The following AGBL1 variants were observed in gnomAD, a reference collection of about 807,000 sequenced individuals.
AGBL1 encodes the protein cytosolic carboxypeptidase 4.
A neutral mutation model predicts 118.9 loss-of-function variants in AGBL1; 130 were observed. The ratio of observed to expected loss-of-function variants is 1.09; its 90% CI spans 0.95 to 1.26. AGBL1 has a LOEUF of 1.26. AGBL1 is among the 50% of genes most tolerant of loss of function. The probability of loss-of-function intolerance (pLI) is 0.00; values close to 1 mark genes in which losing one functional copy is unlikely to be tolerated. For missense variants in AGBL1, 1,584 were observed against 1,298.1 expected (o/e 1.22, Z -3.38); for synonymous variants, 555 against 478.9 (o/e 1.16, Z -2.08).
intron 6 of AGBL1, among the ~76,000 whole-genome samples, chr15:86,243,837 C>A (rs1178040872): frequency 6.6e-6 from 1 of 151,824 alleles, no homozygotes; most frequent in Admixed American, 6.6e-5. Context: ...GGTGAAACCC[C>A]GTCTCTACTA....
chr15:86,667,832 T>A (rs2085674059), intron 21 of AGBL1, among the ~76,000 whole-genome samples: 1 of 152,204 alleles, frequency 6.6e-6, no homozygotes, highest in Non-Finnish European at 1.5e-5. Flanking sequence ...TTTAATCTAA[T>A]CTGTTGTGTT....
In AGBL1 at chr15:86,417,529, T is replaced by C. The variant is rs538238041; in HGVS notation, c.2555+19983T>C. On this transcript the variant is annotated intron_variant, in intron 18 of 22. Coordinates refer to ENST00000614907, the MANE Select transcript of AGBL1 (RefSeq NM_001386094.1). Reference sequence around the variant, plus strand: ...ATTGAACAGAGCAAGCTGTTTACAGTAGAGAGGTGGAAACAGACAATTCAA... The same window carrying C: ...ATTGAACAGAGCAAGCTGTTTACAGCAGAGAGGTGGAAACAGACAATTCAA... 6.6e-5 allele frequency among the ~76,000 whole-genome samples: 10 copies of C among 152,256 alleles called. No homozygotes were observed. In the South Asian group the frequency reaches 1.0e-3, roughly 16 times the overall value.
Position 86,977,521 on chromosome 15 carries a change from G to T in AGBL1, c.3222-10466G>T, listed in dbSNP as rs557453225. On this transcript the variant is annotated intron_variant, in intron 23 of 24. Coordinates refer to the AGBL1 transcript ENST00000441037. ...CATTATTCAAATCTTTTTATATATT[G>T]AAAAAAAGCTGTTTATTTTCCTTAA... 1.7e-4 allele frequency among the ~76,000 whole-genome samples: 25 copies of T among 150,644 alleles called. No homozygotes were observed. The South Asian group carries it at 2.7e-3, about 16-fold the overall frequency.
intron 17 of AGBL1, among the ~76,000 whole-genome samples, chr15:86,345,180 A>G (rs2080517544): frequency 6.6e-6 from 1 of 152,068 alleles, no homozygotes; most frequent in Non-Finnish European, 1.5e-5. Context: ...CCTGCAGGAA[A>G]CATGCGTTTA....
intron 22 of AGBL1, among the ~76,000 whole-genome samples, chr15:86,674,987 T>C (rs1458484626): frequency 2.0e-5 from 3 of 152,142 alleles, no homozygotes; most frequent in Non-Finnish European, 4.4e-5. Context: ...GTGGAGATTA[T>C]TAATGAGCCA....
intron 9 of AGBL1, among the ~76,000 whole-genome samples, chr15:86,260,302 C>G (rs1234193677): frequency 1.3e-5 from 2 of 152,190 alleles, no homozygotes; most frequent in Admixed American, 6.5e-5. Context: ...ATTTGACAAT[C>G]TTAGGTAATA....
intron 18 of AGBL1, among the ~76,000 whole-genome samples, chr15:86,491,552 T>A (rs2082779132): frequency 6.6e-6 from 1 of 152,052 alleles, no homozygotes; most frequent in Non-Finnish European, 1.5e-5. Context: ...AGTTTTAAAG[T>A]TAAGAGATAA....
At chr15:86,824,528 T>C (rs1295696783) in intron 22 of AGBL1, among the ~76,000 whole-genome samples, 2 of 141,730 alleles carry the variant, frequency 1.4e-5, no homozygotes, top group East Asian at 4.3e-4. Flanking sequence ...ATCTATAGGC[T>C]TAATAAAATT....
chr15:86,786,651 C>G lies in AGBL1; in HGVS notation c.3158+112215C>G, dbSNP rs950821559. 6.6e-5 allele frequency among the ~76,000 whole-genome samples: 10 copies of G among 152,166 alleles called. 1 individual carries two copies. Among genetic ancestry groups the G allele is most frequent in the Non-Finnish European group, 1.3e-4 (9 of 68,030 alleles). On this transcript the variant is annotated intron_variant, in intron 22 of 22. Transcript: ENST00000614907. ...TTTTACCATTTTAAGGACCATCTCT[C>G]TATCATTTGTTGATACATCTCAACT...
intron 17 of AGBL1, among the ~76,000 whole-genome samples, chr15:86,337,074 A>G (rs992394463): frequency 6.6e-6 from 1 of 152,076 alleles, no homozygotes; most frequent in Non-Finnish European, 1.5e-5. Context: ...GAAGCATTAG[A>G]TGGACACACA....
intron 17 of AGBL1, among the ~76,000 whole-genome samples, chr15:86,380,281 TTTTTTTTTTC>T (rs2081095420): frequency 6.7e-6 from 1 of 148,926 alleles, no homozygotes; most frequent in Non-Finnish European, 1.5e-5. Context: ...TCCTTCCTTT[TTTTTTTTTTC>T]TTTTTCTTTT....
At chr15:86,572,612 G>C (rs2084026424) in intron 21 of AGBL1, among the ~76,000 whole-genome samples, 1 of 152,318 alleles carries the variant, frequency 6.6e-6, no homozygotes, top group South Asian at 2.1e-4. Context: ...GAGCTGCGGA[G>C]GCTCTGGGCC....
At chr15:86,994,527 G>A (rs2081362952) in intron 24 of AGBL1, among the ~76,000 whole-genome samples, 1 of 152,116 alleles carries the variant, frequency 6.6e-6, no homozygotes, top group Non-Finnish European at 1.5e-5. Flanking sequence ...ATTCTGAAGT[G>A]GTTGGTCGTC....
chr15:86,855,426 C>A (rs2079463893), intron 22 of AGBL1, among the ~76,000 whole-genome samples: 2 of 152,126 alleles, frequency 1.3e-5, no homozygotes, highest in Admixed American at 1.3e-4. Context: ...TGTGGGTCTT[C>A]CTCATAGATT....
At chr15:86,824,978 A>C (rs1489952757) in intron 22 of AGBL1, among the ~76,000 whole-genome samples, 3 of 152,110 alleles carry the variant, frequency 2.0e-5, no homozygotes, top group Non-Finnish European at 2.9e-5. Context: ...AATCACATGA[A>C]GCCAGGAGGT....
intron 22 of AGBL1, among the ~76,000 whole-genome samples, chr15:86,696,138 T>C (rs1388272058): frequency 6.6e-6 from 1 of 152,016 alleles, no homozygotes; most frequent in African/African-American, 2.4e-5. Context: ...TGTTTCTTTG[T>C]TGACTTTCTG....
At chr15:86,309,381 T>C (rs2079887010) in intron 17 of AGBL1, among the ~76,000 whole-genome samples, 1 of 152,240 alleles carries the variant, frequency 6.6e-6, no homozygotes, top group South Asian at 2.1e-4. Flanking sequence ...TTCTTTCCAA[T>C]TAGGATGCCT....
At chr15:86,645,965 A>C (rs2085271826) in intron 21 of AGBL1, among the ~76,000 whole-genome samples, 1 of 152,206 alleles carries the variant, frequency 6.6e-6, no homozygotes, top group Admixed American at 6.5e-5. Context: ...ACTTCTGACC[A>C]CATGTCAATC....
intron 21 of AGBL1, among the ~76,000 whole-genome samples, chr15:86,584,612 T>C (rs145602590): frequency 3.1e-3 from 467 of 152,280 alleles, no homozygotes; most frequent in African/African-American, 9.5e-3. Context: ...AGTCTGATAA[T>C]GTGATTCCTC....
Sources: allele counts gnomAD v4.1 joint callset (sites outside exome capture counted in the v4.1 genomes callset), GRCh38; gene constraint gnomAD v4.1.1; transcripts MANE v1.5; gene names NCBI Gene and HGNC (gene_info 2026-07-23, HGNC 2026-07-21).